Variants in DACH2 observed in about 807,000 individuals in gnomAD.
DACH2 encodes the protein dachshund homolog 2.
DACH2 carries 17 observed loss-of-function variants against 35.8 expected under a neutral mutation model. The observed-to-expected ratio is 0.48, with a 90% CI of 0.33 to 0.71. The LOEUF (loss-of-function observed/expected upper bound fraction) is 0.71, where lower values mean the gene tolerates loss of function less well. Ranked by LOEUF, DACH2 falls within the 30% of genes least tolerant of loss-of-function variation. The pLI, the probability that DACH2 is intolerant of heterozygous loss-of-function variation, is 0.02. For synonymous variants in DACH2, 195 were observed against 177.3 expected (o/e 1.10, Z -0.79); for missense variants, 469 against 472.7 (o/e 0.99, Z 0.07).
chrX:86,529,969 A>ACACG (rs2038690950), intron 3 of DACH2, among the ~76,000 whole-genome samples: 1 of 44,938 alleles, frequency 2.2e-5, no homozygotes, highest in African/African-American at 6.9e-5. Flanking sequence ...ACACACACAC[A>ACACG]CACACACGCA....
At chrX:86,227,894 A>G (rs761281522) in intron 1 of DACH2, among the ~76,000 whole-genome samples, 8 of 111,478 alleles carry the variant, frequency 7.2e-5, no homozygotes, top group Non-Finnish European at 1.3e-4. Flanking sequence ...ACCTAGAATA[A>G]TCTTTGTTTT....
At chrX:86,376,156 T>TGTGC (rs1181512737) in intron 1 of DACH2, among the ~76,000 whole-genome samples, 45 of 104,225 alleles carry the variant, frequency 4.3e-4, no homozygotes, top group African/African-American at 1.6e-3. Flanking sequence ...TGTGTATGTG[T>TGTGC]GTGTGTGTGT....
intron 3 of DACH2, among the ~76,000 whole-genome samples, chrX:86,619,263 A>C (rs2040042703): frequency 8.9e-6 from 1 of 111,779 alleles, no homozygotes; most frequent in African/African-American, 3.2e-5. Flanking sequence ...TGAAAAAGCC[A>C]TGTCTACTGT....
chrX:86,331,770 T>C (rs1033454559), intron 1 of DACH2, among the ~76,000 whole-genome samples: 23 of 111,319 alleles, frequency 2.1e-4, no homozygotes, highest in Non-Finnish European at 3.4e-4. Context: ...ACTTGCAGTG[T>C]ATGTGATGGG....
At chrX:86,637,354 CA>C (rs1003022047) in intron 3 of DACH2, among the ~76,000 whole-genome samples, 62 of 105,237 alleles carry the variant, frequency 5.9e-4, no homozygotes, top group South Asian at 4.4e-4. Context: ...CTCAAAGACC[CA>C]AAAAAAATAT....
chrX:86,572,593 C>A (rs1475293049), intron 3 of DACH2, among the ~76,000 whole-genome samples: 1 of 111,521 alleles, frequency 9.0e-6, no homozygotes, highest in African/African-American at 3.3e-5. Context: ...AGCGAGAATA[C>A]ACATTCTTGC....
intron 7 of DACH2, among the ~76,000 whole-genome samples, chrX:86,766,195 T>C (rs186639733): frequency 1.8e-5 from 2 of 111,851 alleles, no homozygotes; most frequent in African/African-American, 6.5e-5. Context: ...TTTAACTTTC[T>C]GATTTCAGTA....
At chrX:86,474,330 T>G (rs1469191563) in intron 2 of DACH2, among the ~76,000 whole-genome samples, 3 of 111,899 alleles carry the variant, frequency 2.7e-5, no homozygotes, top group Non-Finnish European at 5.6e-5. Flanking sequence ...CTTTGTTGAT[T>G]GTTTCCTTTG....
chrX:86,208,361 G>C (rs2032367121), intron 1 of DACH2, among the ~76,000 whole-genome samples: 1 of 111,021 alleles, frequency 9.0e-6, no homozygotes, highest in Non-Finnish European at 1.9e-5. Flanking sequence ...AGGGTTCATG[G>C]ATTACATTGA....
At chrX:86,362,542 A>G (rs1260205853) in intron 1 of DACH2, among the ~76,000 whole-genome samples, 1 of 111,707 alleles carries the variant, frequency 9.0e-6, no homozygotes, top group African/African-American at 3.2e-5. Flanking sequence ...CAGGAGATCC[A>G]CAATTAAAAC....
intron 2 of DACH2, among the ~76,000 whole-genome samples, chrX:86,474,896 G>A (rs1332798622): frequency 1.8e-5 from 2 of 111,281 alleles, no homozygotes; most frequent in African/African-American, 6.5e-5. Flanking sequence ...ACCATGCCCA[G>A]CTAATTTTTG....
intron 7 of DACH2, among the ~76,000 whole-genome samples, chrX:86,811,529 T>G (rs998488010): frequency 1.8e-5 from 2 of 111,896 alleles, no homozygotes; most frequent in Non-Finnish European, 3.8e-5. Flanking sequence ...ATGGAGTCAC[T>G]GAATGTTTTT....
chrX:86,560,785 C>A (rs2148322634), intron 3 of DACH2, among the ~76,000 whole-genome samples: 1 of 36,524 alleles, frequency 2.7e-5, no homozygotes, highest in South Asian at 1.8e-3. Context: ...AGACCTAAAA[C>A]CATAAAAACC....
chrX:86,786,107 C>A (rs1469366839), intron 7 of DACH2, among the ~76,000 whole-genome samples: 2 of 111,485 alleles, frequency 1.8e-5, no homozygotes, highest in Non-Finnish European at 3.8e-5. Flanking sequence ...GACCCCCTAA[C>A]ACCACCCCCA....
chrX:86,589,120 G>A (rs893116773), intron 3 of DACH2, among the ~76,000 whole-genome samples: 19 of 111,473 alleles, frequency 1.7e-4, no homozygotes, highest in East Asian at 5.6e-4. Context: ...TGAAGTGATC[G>A]TATGGTTTTT....
At chrX:86,672,044 A>G (rs1199293386) in intron 4 of DACH2, among the ~76,000 whole-genome samples, 2 of 112,100 alleles carry the variant, frequency 1.8e-5, no homozygotes, top group Non-Finnish European at 3.8e-5. Context: ...GACTGGCAGC[A>G]TTGTGCCCAT....
chrX:86,459,996 TC>T (rs2037540762), intron 2 of DACH2, among the ~76,000 whole-genome samples: 1 of 110,932 alleles, frequency 9.0e-6, no homozygotes, highest in African/African-American at 3.3e-5. Context: ...TCTAGTTTGC[TC>T]CCCCATTTAT....
At chrX:86,489,335 T>C (rs777833261) in intron 2 of DACH2, among the ~76,000 whole-genome samples, 1 of 110,560 alleles carries the variant, frequency 9.0e-6, no homozygotes, top group Non-Finnish European at 1.9e-5. Flanking sequence ...ATCCCCAAAG[T>C]TCTCATTTTT....
Position 86,782,434 on chromosome X carries a change from T to C in DACH2, c.1241-30422T>C, listed in dbSNP as rs187477759. On this transcript the variant is annotated intron_variant, in intron 7 of 11. Coordinates refer to ENST00000373125, the MANE Select transcript of DACH2 (RefSeq NM_053281.3). Reference sequence around the variant, plus strand: ...ACTTTAAAATTTACAATTAAGTTTGTAAGAACTTAATTGTAAGCAATTAAG... The same window carrying C: ...ACTTTAAAATTTACAATTAAGTTTGCAAGAACTTAATTGTAAGCAATTAAG... 1.7e-3 allele frequency among the ~76,000 whole-genome samples: 194 copies of C among 111,560 alleles called. 1 individual carries two copies. Among genetic ancestry groups the C allele is most frequent in the African/African-American group, 6.0e-3 (184 of 30,771 alleles).
Sources: gnomAD v4.1 joint callset for allele counts (sites outside exome capture counted in the v4.1 genomes callset) on GRCh38, gnomAD v4.1.1 for gene constraint, MANE v1.5 for transcripts, NCBI Gene and HGNC (gene_info 2026-07-23, HGNC 2026-07-21) for gene names.